Variants in FCHSD2 observed in about 807,000 individuals in gnomAD.
FCHSD2 encodes the protein F-BAR and double SH3 domains protein 2.
In FCHSD2, 38 loss-of-function variants were observed where a neutral mutation model predicts 108.1. That is an observed-to-expected ratio of 0.35 (90% CI 0.27 to 0.46). The LOEUF (loss-of-function observed/expected upper bound fraction) is 0.46. Among genes scored for constraint, FCHSD2 ranks in the 20% least tolerant of loss-of-function variants. The probability of loss-of-function intolerance (pLI) is 1.00; values close to 1 mark genes in which losing one functional copy is unlikely to be tolerated. For missense variants in FCHSD2, 751 were observed against 897.8 expected, an observed-to-expected ratio of 0.84 and a Z score of 2.09; for synonymous variants, 279 against 314.7, an observed-to-expected ratio of 0.89 and a Z score of 1.20.
At chr11:73,072,417 T>C (rs1458411069) in intron 3 of FCHSD2, among the ~76,000 whole-genome samples, 1 of 152,162 alleles carries the variant, frequency 6.6e-6, no homozygotes, top group Non-Finnish European at 1.5e-5. Flanking sequence ...AAATTTTTAA[T>C]GAAGTTTTTT....
At chr11:73,112,692 AG>A (rs1171381343) in intron 2 of FCHSD2, among the ~76,000 whole-genome samples, 2 of 152,172 alleles carry the variant, frequency 1.3e-5, no homozygotes, top group Non-Finnish European at 2.9e-5. Context: ...TCTGTCGCCC[AG>A]GCTGGAGTGC....
At chr11:73,064,878 T>TA (rs1423914284) in intron 3 of FCHSD2, among the ~76,000 whole-genome samples, 1 of 151,870 alleles carries the variant, frequency 6.6e-6, no homozygotes, top group Non-Finnish European at 1.5e-5. Context: ...GCCTACCAAC[T>TA]AAAAAAAGTC....
intron 8 of FCHSD2, among the ~76,000 whole-genome samples, chr11:72,953,872 C>G (rs146981531): frequency 6.6e-6 from 1 of 152,166 alleles, no homozygotes; most frequent in East Asian, 1.9e-4. Flanking sequence ...TGTGAAAGTC[C>G]AGAGGTGACA....
chr11:72,994,472 T>G (rs1857483571), intron 5 of FCHSD2, among the ~76,000 whole-genome samples: 1 of 152,170 alleles, frequency 6.6e-6, no homozygotes, highest in Admixed American at 6.5e-5. Flanking sequence ...TTAAATAATT[T>G]ACTCTGAGTC....
chr11:73,079,200 ATT>A (rs775568668), intron 3 of FCHSD2, among the ~76,000 whole-genome samples: 61 of 143,294 alleles, frequency 4.3e-4, no homozygotes, highest in African/African-American at 1.8e-4. Flanking sequence ...AAGAGAAATA[ATT>A]TTTTTTTTTT....
At chr11:72,914,559 A>T (rs1343936532) in intron 9 of FCHSD2, among the ~76,000 whole-genome samples, 1 of 152,164 alleles carries the variant, frequency 6.6e-6, no homozygotes, top group Non-Finnish European at 1.5e-5. Flanking sequence ...ATGAAACAGA[A>T]TAGAGAACCC....
chr11:72,880,706 A>C (rs1035279662), intron 12 of FCHSD2, among the ~76,000 whole-genome samples: 15 of 151,930 alleles, frequency 9.9e-5, no homozygotes, highest in African/African-American at 3.6e-4. Context: ...CCTTGAGCCC[A>C]GGAGTTCGAG....
intron 3 of FCHSD2, among the ~76,000 whole-genome samples, chr11:73,050,063 T>C (rs1400181485): frequency 6.6e-6 from 1 of 152,188 alleles, no homozygotes; most frequent in Non-Finnish European, 1.5e-5. Context: ...AGTAAACTTT[T>C]CTGTAAAAGG....
rs191488916 is a variant in FCHSD2 at position 73,107,935 on chromosome 11, A to G, written c.120-24195T>C. On this transcript the variant is annotated intron_variant, in intron 2 of 19. Transcript: ENST00000409418. ...GGTATCTTTTGGATATATACCCAGC[A>G]CTGTGATTGATGGATTGTATGGCAA... Among the ~76,000 whole-genome samples the G allele has an allele frequency of 8.1e-4, 124 of 152,288 alleles. 1 individual carries two copies. The East Asian group carries it at 0.016, about 20-fold the overall frequency.
At position 72,916,615 on chromosome 11, in the gene FCHSD2, T is replaced by C. The variant is rs541216278; in HGVS notation, c.828+5213A>G. On this transcript the variant is annotated intron_variant, in intron 9 of 19. Coordinates refer to ENST00000409418, the MANE Select transcript of FCHSD2 (RefSeq NM_014824.3). ...CAAGCGTGAGCCACTGTGCCCAGCCTCCTTTGTTCACTTTTATATTGGGTT... is the reference window on the plus strand; with the variant it reads ...CAAGCGTGAGCCACTGTGCCCAGCCCCCTTTGTTCACTTTTATATTGGGTT... Among the ~76,000 whole-genome samples, 170 of 152,314 alleles carry C rather than the reference T, an allele frequency of 1.1e-3. 1 individual carries two copies. The highest frequency in any genetic ancestry group is 2.1e-4 in the Non-Finnish European group (14 of 68,022).
chr11:72,992,399 T>C (rs989114739), intron 5 of FCHSD2, among the ~76,000 whole-genome samples: 3 of 152,052 alleles, frequency 2.0e-5, no homozygotes, highest in Admixed American at 2.0e-4. Context: ...CTTCACAGAA[T>C]TGGAAAAGAC....
At chr11:72,966,915 G>C (rs1206567690) in intron 8 of FCHSD2, among the ~76,000 whole-genome samples, 1 of 151,880 alleles carries the variant, frequency 6.6e-6, no homozygotes, top group African/African-American at 2.4e-5. Context: ...AGTTAAGAAA[G>C]TGGCCGGGCG....
rs188900965 is a variant in FCHSD2, at chr11:73,040,894, C to G, written c.166-25009G>C. 7.2e-4 allele frequency among the ~76,000 whole-genome samples: 109 copies of G among 152,272 alleles called. 1 individual carries two copies. The highest frequency in any genetic ancestry group is 5.2e-3 in the East Asian group (27 of 5,188). ...AACCTTCCCACAAACTGCTCCCCCC[C>G]CTCTTTGGTAACTATCATTCTACTC... On this transcript the variant is annotated intron_variant, in intron 3 of 19. Coordinates refer to ENST00000409418, the MANE Select transcript of FCHSD2 (RefSeq NM_014824.3).
At chr11:73,115,371 G>A (rs375376049) in intron 2 of FCHSD2, among the ~76,000 whole-genome samples, 1 of 152,208 alleles carries the variant, frequency 6.6e-6, no homozygotes, top group East Asian at 1.9e-4. Flanking sequence ...TTTTAGCAGA[G>A]ATGGGGTTTC....
intron 5 of FCHSD2, among the ~76,000 whole-genome samples, chr11:72,990,926 G>GT (rs1198911175): frequency 6.6e-6 from 1 of 151,998 alleles, no homozygotes; most frequent in African/African-American, 2.4e-5. Context: ...CCAGGAGCTG[G>GT]TTTTTTTGAA....
intron 8 of FCHSD2, among the ~76,000 whole-genome samples, chr11:72,980,312 C>T (rs1857188594): frequency 6.6e-6 from 1 of 152,126 alleles, no homozygotes; most frequent in Admixed American, 6.6e-5. Context: ...ACTGGTTTCT[C>T]TATTAATTTA....
At chr11:72,842,014 C>T (rs529343015) in intron 17 of FCHSD2, among the ~76,000 whole-genome samples, 1 of 152,196 alleles carries the variant, frequency 6.6e-6, no homozygotes, top group Admixed American at 6.5e-5. Flanking sequence ...ACAATCACCA[C>T]GCAAACAAGA....
intron 3 of FCHSD2, among the ~76,000 whole-genome samples, chr11:73,041,710 G>A (rs546122866): frequency 1.3e-5 from 2 of 152,088 alleles, no homozygotes; most frequent in African/African-American, 4.8e-5. Context: ...TCACTATGTT[G>A]ACTGTTTCTT....
intron 3 of FCHSD2, among the ~76,000 whole-genome samples, chr11:73,079,003 G>A (rs969974253): frequency 5.3e-5 from 8 of 152,100 alleles, no homozygotes; most frequent in Non-Finnish European, 1.0e-4. Context: ...ACAGGCGTGC[G>A]CTACCGCACC....
Sources: gnomAD v4.1 joint callset for allele counts (sites outside exome capture counted in the v4.1 genomes callset) on GRCh38, gnomAD v4.1.1 for gene constraint, MANE v1.5 for transcripts, NCBI Gene and HGNC (gene_info 2026-07-23, HGNC 2026-07-21) for gene names.